The following TSC22D1 variants were observed in gnomAD, a reference collection of about 807,000 sequenced individuals.
The protein encoded by TSC22D1 is TSC22 domain family member 1.
In TSC22D1, 9 loss-of-function variants were observed where a neutral mutation model predicts 74.2. That is an observed-to-expected ratio of 0.12 (90% CI 0.07 to 0.21). TSC22D1 has a LOEUF of 0.21. Ranked by LOEUF, TSC22D1 falls within the 10% of genes least tolerant of loss-of-function variation. The pLI is 1.00. For synonymous variants in TSC22D1, 586 were observed against 492.5 expected (o/e 1.19, Z -2.51); for missense variants, 1,427 against 1,304.7 (o/e 1.09, Z -1.44).
upstream of TSC22D1, chr13:44,576,420 G>C (rs1884256655): frequency 9.0e-6 from 2 of 222,244 alleles, no homozygotes; most frequent in Admixed American, 5.6e-5. Context: ...GGGAGGAAAA[G>C]CGAGAAATGC....
intron 1 of TSC22D1, among the ~76,000 whole-genome samples, chr13:44,497,509 T>G (rs1879029639): frequency 6.6e-6 from 1 of 152,232 alleles, no homozygotes; most frequent in African/African-American, 2.4e-5. Flanking sequence ...ATAGTTCAAA[T>G]GGTTAATCTT....
At chr13:44,442,232 T>C (rs1393688690) in intron 1 of TSC22D1, among the ~76,000 whole-genome samples, 1 of 152,182 alleles carries the variant, frequency 6.6e-6, no homozygotes, top group Non-Finnish European at 1.5e-5. Flanking sequence ...GAATATTTAA[T>C]AAAGTCTCTA....
Position 44,434,334 on chromosome 13 carries a change from G to C in TSC22D1, c.*292C>G. The C allele has an allele frequency of 7.3e-7, 1 of 1,378,094 alleles. No individual in the cohort carries two copies. The highest frequency in any genetic ancestry group is 9.3e-7 in the Non-Finnish European group (1 of 1,075,578). The allele number at this position is 1,378,094 out of a possible 1,614,324, so 85.4% of individuals were successfully genotyped here. A position where few individuals can be genotyped will look rare whatever the true frequency, so the allele number is the denominator to read the frequency against. On this transcript the variant is annotated 3_prime_UTR_variant, in exon 3 of 3. Coordinates refer to ENST00000458659, the MANE Select transcript of TSC22D1 (RefSeq NM_183422.4). Reference sequence around the variant, plus strand: ...GCCGGAAGGGATGGAAAGGCACACAGCTCCTGAGCATGAATTAAACCATTT... The same window carrying C: ...GCCGGAAGGGATGGAAAGGCACACACCTCCTGAGCATGAATTAAACCATTT...
At chr13:44,536,960 C>CA (rs1192384284) in intron 1 of TSC22D1, 1 of 569,928 alleles carries the variant, frequency 1.8e-6, no homozygotes, top group Non-Finnish European at 2.0e-6. Flanking sequence ...AAAAAAAAAA[C>CA]AAAAAAAACT....
intron 1 of TSC22D1, among the ~76,000 whole-genome samples, chr13:44,568,866 G>T (rs922370818): frequency 1.3e-5 from 2 of 152,126 alleles, no homozygotes; most frequent in Non-Finnish European, 2.9e-5. Flanking sequence ...TAGACAGGTG[G>T]GGATGGAGCA....
chr13:44,512,713 G>A (rs192703095), intron 1 of TSC22D1, among the ~76,000 whole-genome samples: 72 of 151,488 alleles, frequency 4.8e-4, no homozygotes, highest in African/African-American at 1.3e-3. Flanking sequence ...GCAGCGACGC[G>A]ATCTCAACTC....
chr13:44,460,472 T>A (rs1876939317), intron 1 of TSC22D1, among the ~76,000 whole-genome samples: 1 of 152,230 alleles, frequency 6.6e-6, no homozygotes, highest in Admixed American at 6.5e-5. Context: ...TTAATCCCTA[T>A]GACATGATGA....
intron 1 of TSC22D1, among the ~76,000 whole-genome samples, chr13:44,483,892 T>C (rs570018059): frequency 5.3e-5 from 8 of 152,162 alleles, no homozygotes; most frequent in South Asian, 2.1e-4. Flanking sequence ...ATGGCGCTAA[T>C]ACAACGTATC....
chr13:44,545,988 T>A (rs113622565), intron 1 of TSC22D1, among the ~76,000 whole-genome samples: 13,303 of 144,788 alleles, frequency 0.092, 750 homozygotes, highest in Non-Finnish European at 0.12. Context: ...AAAAAAAAAA[T>A]AAATAAATAA....
chr13:44,542,355 C>T (rs922178691), intron 1 of TSC22D1, among the ~76,000 whole-genome samples: 2 of 152,030 alleles, frequency 1.3e-5, no homozygotes, highest in African/African-American at 2.4e-5. Flanking sequence ...AGATCTTGCT[C>T]AGATTAATAT....
intron 1 of TSC22D1, among the ~76,000 whole-genome samples, chr13:44,459,742 C>A (rs1264064369): frequency 6.6e-6 from 1 of 152,232 alleles, no homozygotes; most frequent in East Asian, 1.9e-4. Flanking sequence ...CCGGTGCCCA[C>A]AGTGGAAGCC....
At chr13:44,471,662 A>G (rs1877614177) in intron 1 of TSC22D1, among the ~76,000 whole-genome samples, 1 of 152,252 alleles carries the variant, frequency 6.6e-6, no homozygotes, top group African/African-American at 2.4e-5. Context: ...ATTAAAATAC[A>G]GAACCACTGG....
chr13:44,518,703 A>C (rs1442714573), intron 1 of TSC22D1, among the ~76,000 whole-genome samples: 2 of 152,172 alleles, frequency 1.3e-5, no homozygotes, highest in Non-Finnish European at 2.9e-5. Flanking sequence ...TTTTATCTTA[A>C]AAGGAAAGAC....
intron 1 of TSC22D1, among the ~76,000 whole-genome samples, chr13:44,553,576 C>T (rs1427439406): frequency 6.6e-6 from 1 of 152,130 alleles, no homozygotes; most frequent in Non-Finnish European, 1.5e-5. Flanking sequence ...CCATCTAAAA[C>T]AATCTTTCAG....
intron 1 of TSC22D1, among the ~76,000 whole-genome samples, chr13:44,545,589 A>G (rs1368698882): frequency 6.6e-6 from 1 of 152,016 alleles, no homozygotes; most frequent in African/African-American, 2.4e-5. Context: ...ACTGAAAAAA[A>G]AAAAAAAAAG....
In TSC22D1 at chr13:44,573,164, T is replaced by G; in HGVS notation, c.2911A>C (p.Ser971Arg). The change falls in exon 1 of 3, where the codon AGC becomes CGC. Residue 971 changes from serine to arginine, a missense_variant and splice_region_variant. This residue lies in a region of TSC22D1 where 1,343 missense variants were observed against 1,191.5 expected (regional missense o/e 1.13). Coordinates refer to ENST00000458659, the MANE Select transcript of TSC22D1 (RefSeq NM_183422.4). ...TTPLVDGEDE[S>R]SSGASVVAID... is the part of the protein sequence containing the mutation. ...TCCAGAAATATGACATGATCTTACCTCTCATCCTCGCCATCCACCAGGGGT... is the reference window on the plus strand; with the variant it reads ...TCCAGAAATATGACATGATCTTACCGCTCATCCTCGCCATCCACCAGGGGT... 1 of 1,613,576 alleles carries G rather than the reference T, an allele frequency of 6.2e-7. No homozygotes were observed. The highest frequency in any genetic ancestry group is 2.2e-5 in the East Asian group (1 of 44,880).
chr13:44,524,653 TCTC>T (rs1015460680), intron 1 of TSC22D1, among the ~76,000 whole-genome samples: 4 of 152,032 alleles, frequency 2.6e-5, no homozygotes, highest in Admixed American at 2.6e-4. Context: ...TTCAAGCAAT[TCTC>T]CTGCCTCAGC....
rs1198080352 is a variant in TSC22D1, at chr13:44,434,003, T to C, written c.*623A>G. 3 of 1,534,418 alleles carry C rather than the reference T, an allele frequency of 2.0e-6. No individual in the cohort carries two copies. The highest frequency in any genetic ancestry group is 1.4e-5 in the African/African-American group (1 of 72,942). ...TATACAATAAGCAAAACAACCTTCA[T>C]GGTAAGATAGCCTAGGTCCCAGCTA... On this transcript the variant is annotated 3_prime_UTR_variant, in exon 3 of 3. Transcript: ENST00000458659.
chr13:44,552,316 C>T (rs1882334637), intron 1 of TSC22D1, among the ~76,000 whole-genome samples: 1 of 152,164 alleles, frequency 6.6e-6, no homozygotes, highest in Non-Finnish European at 1.5e-5. Flanking sequence ...GGCTCCTTTA[C>T]TTCACGAACA....
Sources: gnomAD v4.1 joint callset for allele counts (sites outside exome capture counted in the v4.1 genomes callset) on GRCh38, gnomAD v4.1.1 for gene constraint, gnomAD v4.1.1 regional missense constraint, MANE v1.5 for transcripts, NCBI Gene and HGNC (gene_info 2026-07-23, HGNC 2026-07-21) for gene names.